The following CDH8 variants were observed in gnomAD, a reference collection of about 807,000 sequenced individuals.
The protein encoded by CDH8 is cadherin 8.
In CDH8, 17 loss-of-function variants were observed where a neutral mutation model predicts 68.1. The observed-to-expected ratio is 0.25, with a 90% CI of 0.17 to 0.37. CDH8 has a LOEUF of 0.37. Ranked by LOEUF, CDH8 falls within the 10% of genes least tolerant of loss-of-function variation. The probability of loss-of-function intolerance (pLI) is 1.00; values close to 1 mark genes in which losing one functional copy is unlikely to be tolerated. For missense variants in CDH8, 763 were observed against 999.3 expected (o/e 0.76, Z 3.19); for synonymous variants, 372 against 365.1 (o/e 1.02, Z -0.21).
At chr16:61,959,982 G>GTATATATATATA (rs1434686241) in intron 2 of CDH8, among the ~76,000 whole-genome samples, 4 of 31,070 alleles carry the variant, frequency 1.3e-4, no homozygotes, top group Admixed American at 3.4e-4. Context: ...GTGTGTGTGT[G>GTATATATATATA]TGTATATATA....
chr16:61,766,575 T>C (rs1038583794), intron 8 of CDH8, among the ~76,000 whole-genome samples: 13 of 151,960 alleles, frequency 8.6e-5, no homozygotes, highest in Non-Finnish European at 1.6e-4. Context: ...TTGTTTTCCA[T>C]AGACGTTATA....
At chr16:61,825,223 T>G (rs770270355) in intron 4 of CDH8, 44 bp from the exon 5 acceptor site, 1 of 1,515,238 alleles carries the variant, frequency 6.6e-7, no homozygotes. Context: ...ACAGAGCTAA[T>G]TCAAAAATGA....
At chr16:61,770,732 A>G (rs1009573039) in intron 8 of CDH8, among the ~76,000 whole-genome samples, 1 of 151,830 alleles carries the variant, frequency 6.6e-6, no homozygotes, top group African/African-American at 2.4e-5. Context: ...TCTTCCTCCT[A>G]TCTGTGGTTT....
chr16:61,694,418 T>C (rs1964288090), intron 10 of CDH8, among the ~76,000 whole-genome samples: 1 of 152,232 alleles, frequency 6.6e-6, no homozygotes, highest in Non-Finnish European at 1.5e-5. Context: ...GTTTTCAAAC[T>C]GTCTTGGATA....
At chr16:61,698,641 C>T (rs937248486) in intron 10 of CDH8, among the ~76,000 whole-genome samples, 1 of 152,190 alleles carries the variant, frequency 6.6e-6, no homozygotes, top group East Asian at 1.9e-4. Flanking sequence ...AGTCCAACAT[C>T]TAATGGACCT....
chr16:61,654,183 G>A, intron 11 of CDH8, 82 bp from the exon 12 acceptor site: 1 of 1,316,004 alleles, frequency 7.6e-7, no homozygotes, highest in African/African-American at 1.5e-5. Flanking sequence ...TAGGAGAGAG[G>A]GGTATTTTTA....
chr16:61,939,687 T>C (rs1014226251), intron 2 of CDH8, among the ~76,000 whole-genome samples: 1 of 152,174 alleles, frequency 6.6e-6, no homozygotes, highest in Non-Finnish European at 1.5e-5. Context: ...CCAAGCCCTA[T>C]AATAATCTGA....
chr16:61,658,384 A>G (rs1436377732), intron 10 of CDH8, among the ~76,000 whole-genome samples: 1 of 151,870 alleles, frequency 6.6e-6, no homozygotes, highest in African/African-American at 2.4e-5. Flanking sequence ...TAGTGTTTTC[A>G]AGACTTATTT....
rs970488142 is a variant in CDH8, at chr16:61,648,829, T to C, written c.*4779A>G. Reference sequence around the variant, plus strand: ...AAATTTTTAAATTTTATGTCCTCCATAACGCTAGGTCTGTGCTCAAAATAC... The same window carrying C: ...AAATTTTTAAATTTTATGTCCTCCACAACGCTAGGTCTGTGCTCAAAATAC... On this transcript the variant is annotated 3_prime_UTR_variant, in exon 12 of 12. Transcript: ENST00000577390. 1 of 151,976 alleles carries C rather than the reference T, an allele frequency of 6.6e-6. No individual in the cohort carries two copies. Among genetic ancestry groups the C allele is most frequent in the African/African-American group, 2.4e-5 (1 of 41,420 alleles). 9.4% of individuals were successfully genotyped at this position (151,976 alleles called of 1,614,324 possible). A position where few individuals can be genotyped will look rare whatever the true frequency, so the allele number is the denominator to read the frequency against.
At chr16:61,781,321 G>C (rs916980795) in intron 8 of CDH8, among the ~76,000 whole-genome samples, 1 of 152,130 alleles carries the variant, frequency 6.6e-6, no homozygotes, top group Non-Finnish European at 1.5e-5. Context: ...ATTTTAAAAA[G>C]GTGGCATGGG....
chr16:61,938,898 T>G (rs560296123), intron 2 of CDH8, among the ~76,000 whole-genome samples: 1 of 152,144 alleles, frequency 6.6e-6, no homozygotes, highest in Non-Finnish European at 1.5e-5. Flanking sequence ...TGAGATGATA[T>G]ATGTAAAATG....
At chr16:61,895,845 T>C (rs1390517700) in intron 3 of CDH8, among the ~76,000 whole-genome samples, 2 of 152,172 alleles carry the variant, frequency 1.3e-5, no homozygotes, top group Non-Finnish European at 2.9e-5. Flanking sequence ...AGGTAGCACG[T>C]TAAATATAAT....
At chr16:61,860,066 C>T (rs1342712648) in intron 3 of CDH8, among the ~76,000 whole-genome samples, 1 of 152,090 alleles carries the variant, frequency 6.6e-6, no homozygotes, top group Non-Finnish European at 1.5e-5. Context: ...TGGTCTCTAT[C>T]TCGTGACATC....
chr16:61,698,244 T>A (rs1447537795), intron 10 of CDH8, among the ~76,000 whole-genome samples: 1 of 152,226 alleles, frequency 6.6e-6, no homozygotes. Flanking sequence ...CTGTAAATTA[T>A]CCCTGGATGT....
intron 2 of CDH8, among the ~76,000 whole-genome samples, chr16:61,942,809 C>T (rs995159868): frequency 6.6e-6 from 1 of 152,168 alleles, no homozygotes; most frequent in Non-Finnish European, 1.5e-5. Flanking sequence ...TGGTGACACA[C>T]ACCTGTAATC....
At chr16:61,858,713 T>C (rs1641238842) in intron 3 of CDH8, among the ~76,000 whole-genome samples, 1 of 152,148 alleles carries the variant, frequency 6.6e-6, no homozygotes, top group Non-Finnish European at 1.5e-5. Flanking sequence ...TGGGATGTGA[T>C]GCAGTCACAA....
chr16:61,735,814 C>T (rs1037608358), intron 8 of CDH8, among the ~76,000 whole-genome samples: 4 of 152,050 alleles, frequency 2.6e-5, no homozygotes, highest in African/African-American at 9.7e-5. Context: ...GTGGCTCACA[C>T]CTGTAATCCC....
chr16:61,893,650 G>A (rs796892423), intron 3 of CDH8, among the ~76,000 whole-genome samples: 8 of 152,038 alleles, frequency 5.3e-5, no homozygotes, highest in South Asian at 2.1e-4. Context: ...CTCAAACAGC[G>A]CGTTGGGCCA....
chr16:61,730,230 C>T (rs941442915), intron 8 of CDH8, among the ~76,000 whole-genome samples: 1 of 151,328 alleles, frequency 6.6e-6, no homozygotes, highest in Admixed American at 6.6e-5. Context: ...TTATTGGAGG[C>T]AATTTTCAAC....
Sources: allele counts gnomAD v4.1 joint callset (sites outside exome capture counted in the v4.1 genomes callset), GRCh38; gene constraint gnomAD v4.1.1; transcripts MANE v1.5; gene names NCBI Gene and HGNC (gene_info 2026-07-23, HGNC 2026-07-21).